The following FSTL5 variants were observed in gnomAD, a reference collection of about 807,000 sequenced individuals.
The protein encoded by FSTL5 is follistatin-related protein 5.
In FSTL5, 62 loss-of-function variants were observed where a neutral mutation model predicts 89.1. The observed-to-expected ratio is 0.70, with a 90% confidence interval of 0.57 to 0.86. The LOEUF is 0.86. Among genes scored for constraint, FSTL5 ranks in the 40% least tolerant of loss-of-function variants. The pLI, the probability that FSTL5 is intolerant of heterozygous loss-of-function variation, is 0.00. For missense variants in FSTL5, 1,057 were observed against 1,001.6 expected (o/e 1.06, Z -0.75); for synonymous variants, 383 against 346.2 (o/e 1.11, Z -1.18).
At chr4:162,158,352 T>A (rs1733564091) in intron 1 of FSTL5, among the ~76,000 whole-genome samples, 1 of 152,110 alleles carries the variant, frequency 6.6e-6, no homozygotes, top group South Asian at 2.1e-4. Flanking sequence ...GTAGCATCTT[T>A]ATAACATTAA....
intron 8 of FSTL5, among the ~76,000 whole-genome samples, chr4:161,552,004 A>G (rs1288996270): frequency 6.6e-6 from 1 of 152,014 alleles, no homozygotes; most frequent in African/African-American, 2.4e-5. Flanking sequence ...ATTAAACTAA[A>G]GAGCTTCTGC....
intron 3 of FSTL5, among the ~76,000 whole-genome samples, chr4:161,986,477 T>C (rs1488703706): frequency 6.6e-6 from 1 of 152,060 alleles, no homozygotes; most frequent in Non-Finnish European, 1.5e-5. Flanking sequence ...GCTTGAACCC[T>C]GGGGCCAGAG....
intron 6 of FSTL5, among the ~76,000 whole-genome samples, chr4:161,729,843 C>T (rs1232142196): frequency 6.6e-6 from 1 of 152,150 alleles, no homozygotes; most frequent in Non-Finnish European, 1.5e-5. Flanking sequence ...GTATTGTATG[C>T]TCTTCTGTAC....
chr4:161,427,157 G>A (rs1000743009), intron 15 of FSTL5, among the ~76,000 whole-genome samples: 1 of 152,012 alleles, frequency 6.6e-6, no homozygotes, highest in Admixed American at 6.6e-5. Flanking sequence ...CTTAGAAAAG[G>A]CTCTCCCTTT....
chr4:161,758,434 GTCTT>G (rs545184448), intron 6 of FSTL5, among the ~76,000 whole-genome samples: 14 of 151,776 alleles, frequency 9.2e-5, no homozygotes, highest in South Asian at 2.1e-4. Context: ...AATTTACTTT[GTCTT>G]TCTTTCTTTT....
chr4:161,548,389 GT>G (rs1732077364), intron 8 of FSTL5, among the ~76,000 whole-genome samples: 1 of 151,860 alleles, frequency 6.6e-6, no homozygotes, highest in African/African-American at 2.4e-5. Flanking sequence ...GTTGAAAGAG[GT>G]GTGGTAGTTA....
At chr4:161,612,055 G>A (rs1407055853) in intron 7 of FSTL5, among the ~76,000 whole-genome samples, 14 of 152,246 alleles carry the variant, frequency 9.2e-5, no homozygotes, top group Non-Finnish European at 5.9e-5. Flanking sequence ...GCAGCCATGT[G>A]TGGGAAGCCA....
At chr4:161,709,763 T>C (rs1738712195) in intron 6 of FSTL5, among the ~76,000 whole-genome samples, 1 of 151,944 alleles carries the variant, frequency 6.6e-6, no homozygotes, top group Admixed American at 6.6e-5. Flanking sequence ...GTCAGTGCAA[T>C]TCAGCCTGAA....
At chr4:161,923,221 C>A (rs952597838) in intron 3 of FSTL5, among the ~76,000 whole-genome samples, 3 of 151,804 alleles carry the variant, frequency 2.0e-5, no homozygotes, top group African/African-American at 7.3e-5. Flanking sequence ...TTCTGAATCT[C>A]TTTTGGTCCT....
At chr4:161,888,823 A>C (rs553471464) in intron 4 of FSTL5, among the ~76,000 whole-genome samples, 11 of 152,096 alleles carry the variant, frequency 7.2e-5, no homozygotes, top group Non-Finnish European at 1.5e-4. Context: ...TATTAAATTT[A>C]AAATAAATAT....
chr4:161,397,083 T>C (rs536260512), intron 15 of FSTL5, among the ~76,000 whole-genome samples: 1 of 152,252 alleles, frequency 6.6e-6, no homozygotes, highest in African/African-American at 2.4e-5. Flanking sequence ...AGGGAGATTT[T>C]TCAAAATACA....
intron 15 of FSTL5, among the ~76,000 whole-genome samples, chr4:161,434,917 C>T (rs1732503308): frequency 6.6e-6 from 1 of 151,876 alleles, no homozygotes; most frequent in Admixed American, 6.6e-5. Flanking sequence ...AAAAGACAGG[C>T]AATAACTAAT....
chr4:161,393,663 T>A (rs1730898525), intron 15 of FSTL5, among the ~76,000 whole-genome samples: 1 of 152,196 alleles, frequency 6.6e-6, no homozygotes, highest in Non-Finnish European at 1.5e-5. Flanking sequence ...GTGACTATTT[T>A]CAGAGAAGTG....
At chr4:161,636,031 A>G (rs1578984272) in intron 7 of FSTL5, among the ~76,000 whole-genome samples, 1 of 152,102 alleles carries the variant, frequency 6.6e-6, no homozygotes, top group Admixed American at 6.6e-5. Context: ...TAACATACGT[A>G]GTTACGGAGA....
rs145623882 is a variant in FSTL5 at position 161,872,023 on chromosome 4, G to C, written c.409+48381C>G. The stretch of plus-strand genomic sequence containing the variant: ...TTTTTTTTTTTTTAGACAGGGTCTT[G>C]CTCTGTCACCCAGGCCTGAGTGCAG... On this transcript the variant is annotated intron_variant, in intron 4 of 15. Coordinates refer to ENST00000306100, the MANE Select transcript of FSTL5 (RefSeq NM_020116.5). Among the ~76,000 whole-genome samples, 3 of 149,066 alleles carry C rather than the reference G, an allele frequency of 2.0e-5. No individual in the cohort carries two copies. In the South Asian group the frequency reaches 6.3e-4, roughly 31 times the overall value.
At chr4:161,547,004 G>T (rs1732029706) in intron 8 of FSTL5, among the ~76,000 whole-genome samples, 1 of 151,984 alleles carries the variant, frequency 6.6e-6, no homozygotes, top group African/African-American at 2.4e-5. Context: ...GGTCATAAAA[G>T]GTATTGCAAT....
chr4:161,566,127 T>C (rs1301132557), intron 8 of FSTL5, among the ~76,000 whole-genome samples: 7 of 76,898 alleles, frequency 9.1e-5, no homozygotes, highest in African/African-American at 2.4e-4. Context: ...TATATATATA[T>C]ATATATATAC....
intron 1 of FSTL5, among the ~76,000 whole-genome samples, chr4:162,155,310 T>A (rs1733424895): frequency 6.6e-6 from 1 of 152,160 alleles, no homozygotes; most frequent in Non-Finnish European, 1.5e-5. Context: ...TCTGCCGACC[T>A]TGAAGAGGCA....
chr4:161,927,286 C>T (rs1341174086), intron 3 of FSTL5, among the ~76,000 whole-genome samples: 1 of 151,488 alleles, frequency 6.6e-6, no homozygotes, highest in Non-Finnish European at 1.5e-5. Context: ...TTGGAATAAA[C>T]CCAACACTTA....
Sources: allele counts gnomAD v4.1 joint callset (sites outside exome capture counted in the v4.1 genomes callset), GRCh38; gene constraint gnomAD v4.1.1; transcripts MANE v1.5; gene names NCBI Gene and HGNC (gene_info 2026-07-23, HGNC 2026-07-21).